Variants in RPS6KC1 observed in about 807,000 individuals in gnomAD.
RPS6KC1 encodes the protein ribosomal protein S6 kinase C1.
RPS6KC1 carries 54 observed loss-of-function variants against 103.8 expected under a neutral mutation model. The observed-to-expected ratio is 0.52, with a 90% CI of 0.42 to 0.65. The LOEUF (loss-of-function observed/expected upper bound fraction) is 0.65. Ranked by LOEUF, RPS6KC1 falls within the 30% of genes least tolerant of loss-of-function variation. RPS6KC1 has a pLI of 0.00. For missense variants in RPS6KC1, 1,151 were observed against 1,253.8 expected (o/e 0.92, Z 1.24); for synonymous variants, 439 against 438.7 (o/e 1.00, Z -0.01).
At chr1:213,496,066 T>A in the RPS6KC1 span, among the ~76,000 whole-genome samples, 1 of 151,774 alleles carries the variant, frequency 6.6e-6, no homozygotes, top group African/African-American at 2.4e-5. Context: ...GTTAGGGAAA[T>A]ACACACTTTA....
the RPS6KC1 span, among the ~76,000 whole-genome samples, chr1:213,480,182 G>T: frequency 6.6e-6 from 1 of 151,986 alleles, no homozygotes; most frequent in African/African-American, 2.4e-5. Flanking sequence ...TGAATTTAAA[G>T]AATAATTTGA....
the RPS6KC1 span, chr1:213,821,077 C>T: frequency 1.3e-5 from 2 of 152,244 alleles, no homozygotes; most frequent in Non-Finnish European, 2.9e-5. Context: ...ACAGCAATAA[C>T]AGGTGAGGCA....
chr1:213,371,553 C>T, the RPS6KC1 span, among the ~76,000 whole-genome samples: 1 of 152,168 alleles, frequency 6.6e-6, no homozygotes, highest in Admixed American at 6.5e-5. Context: ...CTTTACGTTC[C>T]CACCAACAGT....
chr1:213,162,820 G>A (rs1360032324), intron 6 of RPS6KC1, among the ~76,000 whole-genome samples: 1 of 152,186 alleles, frequency 6.6e-6, no homozygotes. Context: ...CATTGCCTGG[G>A]CATCAATATT....
chr1:213,314,043 C>T, the RPS6KC1 span, among the ~76,000 whole-genome samples: 2 of 152,134 alleles, frequency 1.3e-5, no homozygotes, highest in Admixed American at 6.6e-5. Context: ...GGCCCTGCTT[C>T]CTCCGAGACT....
intron 5 of RPS6KC1, 139 bp from the exon 6 acceptor site, chr1:213,129,388 T>C: frequency 1.1e-6 from 1 of 902,910 alleles, no homozygotes; most frequent in Non-Finnish European, 1.7e-6. Flanking sequence ...AACAAATTGC[T>C]AGACACTGAC....
At chr1:213,512,952 T>G in the RPS6KC1 span, among the ~76,000 whole-genome samples, 3 of 152,202 alleles carry the variant, frequency 2.0e-5, no homozygotes, top group Non-Finnish European at 4.4e-5. Flanking sequence ...GTTTTTTACC[T>G]ATGGTAGGAA....
At chr1:213,062,626 G>C (rs1475760320) in intron 1 of RPS6KC1, among the ~76,000 whole-genome samples, 1 of 151,404 alleles carries the variant, frequency 6.6e-6, no homozygotes, top group African/African-American at 2.4e-5. Flanking sequence ...GTGCGATCTT[G>C]GCTCTCTGCA....
the RPS6KC1 span, among the ~76,000 whole-genome samples, chr1:213,294,859 A>G: frequency 6.6e-6 from 1 of 152,176 alleles, no homozygotes; most frequent in Non-Finnish European, 1.5e-5. Flanking sequence ...CCTTCTTTTC[A>G]AAATTATTCT....
At chr1:213,779,481 T>C in the RPS6KC1 span, among the ~76,000 whole-genome samples, 1 of 152,308 alleles carries the variant, frequency 6.6e-6, no homozygotes, top group South Asian at 2.1e-4. Flanking sequence ...TCATGGCAGT[T>C]TTCTTTCTTT....
At chr1:213,484,071 CA>C in the RPS6KC1 span, among the ~76,000 whole-genome samples, 1 of 152,098 alleles carries the variant, frequency 6.6e-6, no homozygotes, top group African/African-American at 2.4e-5. Context: ...CTTTATTTTT[CA>C]GTAATGTCAA....
chr1:213,119,276 G>A (rs1322182960), intron 5 of RPS6KC1, among the ~76,000 whole-genome samples: 2 of 151,300 alleles, frequency 1.3e-5, no homozygotes, highest in African/African-American at 4.9e-5. Flanking sequence ...GTGAAACCCT[G>A]TCTCTACTAA....
At chr1:213,674,842 T>C in the RPS6KC1 span, among the ~76,000 whole-genome samples, 1 of 152,220 alleles carries the variant, frequency 6.6e-6, no homozygotes, top group Non-Finnish European at 1.5e-5. Flanking sequence ...CAGACTGGTA[T>C]AAGATGGTAT....
the RPS6KC1 span, among the ~76,000 whole-genome samples, chr1:213,588,754 C>T: frequency 6.6e-6 from 1 of 152,200 alleles, no homozygotes; most frequent in African/African-American, 2.4e-5. Context: ...TGTGTCTTCT[C>T]TTTCTTCCAA....
chr1:213,418,069 C>T, the RPS6KC1 span, among the ~76,000 whole-genome samples: 6 of 152,304 alleles, frequency 3.9e-5, no homozygotes, highest in South Asian at 2.1e-4. Context: ...CCCCAGCTCC[C>T]GCTCCTGGCC....
chr1:213,072,301 A>C (rs1319316681), intron 2 of RPS6KC1, among the ~76,000 whole-genome samples: 1 of 152,118 alleles, frequency 6.6e-6, no homozygotes, highest in Non-Finnish European at 1.5e-5. Context: ...CCAGGTTTAG[A>C]TAATATTTAA....
the RPS6KC1 span, among the ~76,000 whole-genome samples, chr1:213,545,915 G>A: frequency 6.6e-6 from 1 of 152,112 alleles, no homozygotes; most frequent in Non-Finnish European, 1.5e-5. Flanking sequence ...GATCCCTGTA[G>A]CCATGTGCTT....
chr1:213,684,083 T>C, the RPS6KC1 span, among the ~76,000 whole-genome samples: 22 of 152,318 alleles, frequency 1.4e-4, no homozygotes, highest in African/African-American at 5.1e-4. Flanking sequence ...TTCCAAGCAG[T>C]CCAGTCTGCT....
chr1:213,410,684 G>A, the RPS6KC1 span, among the ~76,000 whole-genome samples: 4 of 152,240 alleles, frequency 2.6e-5, no homozygotes, highest in Middle Eastern at 3.4e-3. Flanking sequence ...TTTAAGTCAT[G>A]GACACAGGCC....
Sources: allele counts gnomAD v4.1 joint callset (sites outside exome capture counted in the v4.1 genomes callset), GRCh38; gene constraint gnomAD v4.1.1; transcripts MANE v1.5; gene names NCBI Gene and HGNC (gene_info 2026-07-23, HGNC 2026-07-21).